DGKB: variants seen among roughly 807,000 people sequenced by gnomAD.
DGKB encodes diacylglycerol kinase beta.
In DGKB, 67 loss-of-function variants were observed where a neutral mutation model predicts 114.3. The observed-to-expected ratio is 0.59, with a 90% confidence interval of 0.48 to 0.72. The LOEUF is 0.72. DGKB is among the 30% of genes least tolerant of loss of function. DGKB has a pLI of 0.00. For synonymous variants in DGKB, 398 were observed against 323.1 expected (o/e 1.23, Z -2.49); for missense variants, 907 against 975.2 (o/e 0.93, Z 0.93).
intron 23 of DGKB, among the ~76,000 whole-genome samples, chr7:14,256,540 T>A (rs573746472): frequency 6.6e-6 from 1 of 152,272 alleles, no homozygotes; most frequent in South Asian, 2.1e-4. Flanking sequence ...TTTTTTGTAT[T>A]TTATAAAAAA....
intron 9 of DGKB, among the ~76,000 whole-genome samples, chr7:14,686,889 G>C (rs947669299): frequency 1.3e-5 from 2 of 151,482 alleles, no homozygotes; most frequent in Non-Finnish European, 2.9e-5. Context: ...TCTTTTCAAA[G>C]ATGTTTGAGT....
At chr7:14,693,658 T>A (rs1362217715) in intron 9 of DGKB, among the ~76,000 whole-genome samples, 3 of 151,604 alleles carry the variant, frequency 2.0e-5, no homozygotes, top group Non-Finnish European at 4.4e-5. Context: ...AACTGCCTCC[T>A]CCAAGTATCA....
At chr7:14,689,765 C>A (rs866203902) in intron 9 of DGKB, among the ~76,000 whole-genome samples, 2 of 152,144 alleles carry the variant, frequency 1.3e-5, no homozygotes, top group East Asian at 3.9e-4. Context: ...AAACTCTTAA[C>A]CAAATTAAAA....
rs1781836825 is a variant in DGKB at position 14,176,965 on chromosome 7, A to G, written c.2244-66T>C. ...CTTTATATTACAGACTATATGTGAG[A>G]TATAAGATGATGAGACCAGGGAAGG... On this transcript the variant is annotated intron_variant, in intron 24 of 25. Transcript: ENST00000402815. 1.3e-6 allele frequency: 2 copies of G among 1,589,542 alleles called. 1 individual carries two copies. Among genetic ancestry groups the G allele is most frequent in the South Asian group, 2.2e-5 (2 of 89,714 alleles).
At chr7:14,439,790 G>A (rs917407423) in intron 21 of DGKB, among the ~76,000 whole-genome samples, 1 of 150,840 alleles carries the variant, frequency 6.6e-6, no homozygotes, top group South Asian at 2.1e-4. Flanking sequence ...CTTGAGCCTG[G>A]GAGACAGAAG....
chr7:14,774,534 A>G (rs1001508919), intron 2 of DGKB, among the ~76,000 whole-genome samples: 41 of 152,314 alleles, frequency 2.7e-4, no homozygotes, highest in African/African-American at 9.4e-4. Flanking sequence ...TGTTGCTATG[A>G]ATGAGGGTAT....
intron 13 of DGKB, among the ~76,000 whole-genome samples, chr7:14,650,986 G>T (rs1814338063): frequency 6.6e-6 from 1 of 151,922 alleles, no homozygotes; most frequent in Admixed American, 6.5e-5. Context: ...AACAGGAGCT[G>T]AAACTGTGGC....
chr7:14,589,935 A>ATT (rs138750942), intron 17 of DGKB, among the ~76,000 whole-genome samples: 6 of 150,792 alleles, frequency 4.0e-5, no homozygotes, highest in Non-Finnish European at 1.5e-5. Context: ...CCATTTTACG[A>ATT]TTTTTTGTGG....
intron 1 of DGKB, among the ~76,000 whole-genome samples, chr7:14,853,794 C>G (rs891751405): frequency 2.8e-5 from 4 of 143,000 alleles, no homozygotes; most frequent in Admixed American, 7.7e-5. Context: ...CGTGAACCCA[C>G]GAGGCGGAGC....
At chr7:14,896,204 T>C (rs10231688) in intron 1 of DGKB, among the ~76,000 whole-genome samples, 6,144 of 151,774 alleles carry the variant, frequency 0.04, 447 homozygotes, top group African/African-American at 0.14. Context: ...TAAAGGATGA[T>C]AGCTATGACT....
chr7:14,205,723 C>T (rs764517872), intron 23 of DGKB, among the ~76,000 whole-genome samples: 1 of 151,900 alleles, frequency 6.6e-6, no homozygotes, highest in Non-Finnish European at 1.5e-5. Flanking sequence ...TCTGGCCCCA[C>T]AAGGCATTTG....
At chr7:14,268,690 G>C (rs1171693300) in intron 23 of DGKB, among the ~76,000 whole-genome samples, 1 of 152,078 alleles carries the variant, frequency 6.6e-6, no homozygotes, top group Non-Finnish European at 1.5e-5. Flanking sequence ...AAGGAAGCAG[G>C]TATATCTTAT....
At chr7:14,415,575 C>T (rs1397172265) in intron 21 of DGKB, among the ~76,000 whole-genome samples, 1 of 151,954 alleles carries the variant, frequency 6.6e-6, no homozygotes, top group African/African-American at 2.4e-5. Flanking sequence ...CCAGCTTCAT[C>T]CATGTCCCTA....
chr7:14,388,170 T>G (rs1820733857), intron 21 of DGKB, among the ~76,000 whole-genome samples: 1 of 151,200 alleles, frequency 6.6e-6, no homozygotes, highest in Non-Finnish European at 1.5e-5. Flanking sequence ...AGATGTCCTT[T>G]TCACTCTCAC....
At chr7:14,360,670 G>T (rs556793693) in intron 21 of DGKB, among the ~76,000 whole-genome samples, 1 of 151,742 alleles carries the variant, frequency 6.6e-6, no homozygotes, top group South Asian at 2.1e-4. Context: ...TATCTGAAGT[G>T]GACTCAGATT....
At chr7:14,209,574 A>T in intron 23 of DGKB, 1 of 484,946 alleles carries the variant, frequency 2.1e-6, no homozygotes, top group Non-Finnish European at 4.3e-6. Flanking sequence ...TGGGGGCTCC[A>T]GAGGTTCACA....
chr7:14,288,831 C>T (rs370188064), intron 23 of DGKB, among the ~76,000 whole-genome samples: 9 of 152,174 alleles, frequency 5.9e-5, no homozygotes, highest in African/African-American at 9.7e-5. Flanking sequence ...GGTTCCTTGA[C>T]GTGTTGTGGT....
chr7:14,576,082 G>A (rs1267558649), intron 19 of DGKB, among the ~76,000 whole-genome samples: 3 of 152,106 alleles, frequency 2.0e-5, no homozygotes, highest in Non-Finnish European at 2.9e-5. Context: ...AATAAGTAAC[G>A]ATTACATAAA....
intron 2 of DGKB, among the ~76,000 whole-genome samples, chr7:14,770,103 T>C (rs559884464): frequency 1.5e-4 from 23 of 152,206 alleles, no homozygotes; most frequent in African/African-American, 4.1e-4. Context: ...CTCTGATGCA[T>C]AGCCCTAAAA....
Sources: allele counts gnomAD v4.1 joint callset (sites outside exome capture counted in the v4.1 genomes callset), GRCh38; gene constraint gnomAD v4.1.1; transcripts MANE v1.5; gene names NCBI Gene and HGNC (gene_info 2026-07-23, HGNC 2026-07-21).